Variants in ARHGEF9 observed in about 807,000 individuals in gnomAD.
ARHGEF9 encodes rho guanine nucleotide exchange factor 9.
A neutral mutation model predicts 41.3 loss-of-function variants in ARHGEF9; 2 were observed. The ratio of observed to expected loss-of-function variants is 0.05; its 90% CI spans 0.02 to 0.15. The LOEUF is 0.15. Ranked by LOEUF, ARHGEF9 falls within the 10% of genes least tolerant of loss-of-function variation. ARHGEF9 has a pLI of 1.00. For missense variants in ARHGEF9, 225 were observed against 424.7 expected, an observed-to-expected ratio of 0.53 and a Z score of 4.13; for synonymous variants, 160 against 154.4, an observed-to-expected ratio of 1.04 and a Z score of -0.27.
At chrX:63,675,102 A>C (rs1277998425) in intron 5 of ARHGEF9, among the ~76,000 whole-genome samples, 2 of 111,710 alleles carry the variant, frequency 1.8e-5, no homozygotes, top group African/African-American at 6.5e-5. Flanking sequence ...GGTATAGGAT[A>C]GTAGATAGCT....
intron 1 of ARHGEF9, among the ~76,000 whole-genome samples, chrX:63,748,200 T>A (rs1245651686): frequency 2.7e-5 from 3 of 111,996 alleles, no homozygotes; most frequent in Non-Finnish European, 5.6e-5. Context: ...AAGTCCCAAC[T>A]CCAAGAGGGG....
chrX:63,676,763 C>T (rs1410848176), intron 5 of ARHGEF9, among the ~76,000 whole-genome samples: 2 of 112,472 alleles, frequency 1.8e-5, no homozygotes, highest in Non-Finnish European at 3.8e-5. Flanking sequence ...AAGCACAGAG[C>T]TGTACTGTCC....
At chrX:63,647,422 TGA>T (rs1338218553) in intron 8 of ARHGEF9, among the ~76,000 whole-genome samples, 1 of 111,968 alleles carries the variant, frequency 8.9e-6, no homozygotes, top group South Asian at 3.7e-4. Flanking sequence ...TGTAATTTAT[TGA>T]GAGTTTTTAG....
At position 63,675,087 on chromosome X, in the gene ARHGEF9, C is replaced by A. The variant is rs782234747; in HGVS notation, c.816-920G>T. ...TTGGACCATAAGGACAAGGTCAATA[C>A]CCTAGGTATAGGATAGTAGATAGCT... On this transcript the variant is annotated intron_variant, in intron 5 of 9. Transcript: ENST00000671741. 1.8e-5 allele frequency among the ~76,000 whole-genome samples: 2 copies of A among 111,450 alleles called. No individual in the cohort carries two copies. The highest frequency in any genetic ancestry group is 3.8e-5 in the Non-Finnish European group (2 of 53,083).
chrX:63,686,837 G>T (rs2051014181), intron 4 of ARHGEF9, among the ~76,000 whole-genome samples: 1 of 110,732 alleles, frequency 9.0e-6, no homozygotes, highest in African/African-American at 3.3e-5. Flanking sequence ...AAAACTGCAA[G>T]CAAAAGGTAA....
chrX:63,698,054 T>C (rs1353166679), intron 3 of ARHGEF9, among the ~76,000 whole-genome samples: 1 of 108,695 alleles, frequency 9.2e-6, no homozygotes, highest in Non-Finnish European at 1.9e-5. Flanking sequence ...CAAGCCTATG[T>C]GTGCCTGGAC....
intron 1 of ARHGEF9, among the ~76,000 whole-genome samples, chrX:63,737,981 T>C (rs1460279263): frequency 8.9e-6 from 1 of 112,020 alleles, no homozygotes; most frequent in Non-Finnish European, 1.9e-5. Flanking sequence ...TTTTTACATA[T>C]AATAACTCAT....
intron 1 of ARHGEF9, among the ~76,000 whole-genome samples, chrX:63,748,042 T>C (rs2055381523): frequency 8.9e-6 from 1 of 112,309 alleles, no homozygotes; most frequent in Non-Finnish European, 1.9e-5. Flanking sequence ...TGGCAGATGC[T>C]TGCTATGAAC....
chrX:63,693,811 T>C (rs2051542670), intron 4 of ARHGEF9, among the ~76,000 whole-genome samples: 1 of 109,569 alleles, frequency 9.1e-6, no homozygotes, highest in Non-Finnish European at 1.9e-5. Flanking sequence ...TCACTATACA[T>C]TGGAAATGTA....
intron 1 of ARHGEF9, among the ~76,000 whole-genome samples, chrX:63,738,132 G>A (rs868971079): frequency 8.9e-6 from 1 of 111,772 alleles, no homozygotes. Flanking sequence ...ACTTTCCACA[G>A]CACATCTTCA....
chrX:63,683,339 A>G (rs2050775883), intron 4 of ARHGEF9, among the ~76,000 whole-genome samples: 1 of 111,937 alleles, frequency 8.9e-6, no homozygotes, highest in Admixed American at 9.5e-5. Context: ...CTGATGAAAG[A>G]AACTGAAGAA....
intron 1 of ARHGEF9, chrX:63,755,086 C>G (rs1471464946): frequency 1.1e-6 from 1 of 939,174 alleles, no homozygotes; most frequent in Non-Finnish European, 1.3e-6. Context: ...CTCGTTCGAT[C>G]CCTGCCTTGC....
chrX:63,717,018 T>C (rs1424028981), intron 2 of ARHGEF9, among the ~76,000 whole-genome samples: 1 of 112,574 alleles, frequency 8.9e-6, no homozygotes, highest in African/African-American at 3.2e-5. Flanking sequence ...ACATGGCACA[T>C]GGCATTCAGG....
chrX:63,684,777 T>G (rs1254904683), intron 4 of ARHGEF9, among the ~76,000 whole-genome samples: 1 of 110,258 alleles, frequency 9.1e-6, no homozygotes, highest in African/African-American at 3.3e-5. Context: ...AGAATATTAT[T>G]CAGACTTTAA....
chrX:63,699,482 A>G (rs574457409), intron 3 of ARHGEF9, among the ~76,000 whole-genome samples: 1 of 112,285 alleles, frequency 8.9e-6, no homozygotes, highest in East Asian at 2.8e-4. Flanking sequence ...AGAAGTCAAC[A>G]TCAGCATAAA....
At chrX:63,766,585 C>G (rs1556451906) in intron 1 of ARHGEF9, among the ~76,000 whole-genome samples, 1 of 111,842 alleles carries the variant, frequency 8.9e-6, no homozygotes. Flanking sequence ...CTTTACATAC[C>G]CCAATGTATG....
intron 1 of ARHGEF9, among the ~76,000 whole-genome samples, chrX:63,784,318 G>T (rs1158934503): frequency 8.9e-6 from 1 of 112,557 alleles, no homozygotes; most frequent in Non-Finnish European, 1.9e-5. Context: ...CTTCCTCTCT[G>T]CAAAAGGAAG....
At chrX:63,711,681 A>C (rs1391113107) in intron 2 of ARHGEF9, among the ~76,000 whole-genome samples, 2 of 112,334 alleles carry the variant, frequency 1.8e-5, no homozygotes, top group Admixed American at 1.9e-4. Context: ...TCTGAATGGA[A>C]TCAGATTATA....
At chrX:63,740,218 C>A (rs1219088185) in intron 1 of ARHGEF9, among the ~76,000 whole-genome samples, 1 of 112,179 alleles carries the variant, frequency 8.9e-6, no homozygotes, top group Non-Finnish European at 1.9e-5. Flanking sequence ...AATCTGTTTT[C>A]TTTCCCAGAA....
Sources: allele counts gnomAD v4.1 joint callset (sites outside exome capture counted in the v4.1 genomes callset), GRCh38; gene constraint gnomAD v4.1.1; transcripts MANE v1.5; gene names NCBI Gene and HGNC (gene_info 2026-07-23, HGNC 2026-07-21).